ADGRL4: variants seen among roughly 807,000 people sequenced by gnomAD.
ADGRL4 encodes adhesion G protein-coupled receptor L4.
Under a neutral mutation model 74.8 loss-of-function variants are expected in ADGRL4, and 90 were observed. The ratio of observed to expected loss-of-function variants is 1.20; its 90% CI spans 1.02 to 1.43. The LOEUF is 1.43. Among genes scored for constraint, ADGRL4 ranks in the 40% most tolerant of loss-of-function variants. ADGRL4 has a pLI of 0.00. For synonymous variants in ADGRL4, 311 were observed against 279.2 expected (o/e 1.11, Z -1.14); for missense variants, 881 against 814.3 (o/e 1.08, Z -1.00).
Position 78,961,316 on chromosome 1 carries a change from T to C in ADGRL4, c.173-14890A>G, listed in dbSNP as rs182983487. Among the ~76,000 whole-genome samples, 213 of 152,250 alleles carry C rather than the reference T, an allele frequency of 1.4e-3. 1 individual carries two copies. The highest frequency in any genetic ancestry group is 4.3e-3 in the East Asian group (22 of 5,164). ...TGCCACCTCACCCAGCTAATTTTTG[T>C]ATCTTTAGTAGAGATGAGGTTTCAC... On this transcript the variant is annotated intron_variant, in intron 2 of 14. Coordinates refer to ENST00000370742, the MANE Select transcript of ADGRL4 (RefSeq NM_022159.4).
At chr1:78,987,982 A>T (rs1650532080) in intron 2 of ADGRL4, among the ~76,000 whole-genome samples, 1 of 131,702 alleles carries the variant, frequency 7.6e-6, no homozygotes, top group South Asian at 2.7e-4. Context: ...TTAAATTTTT[A>T]AAATAGCCAC....
chr1:78,994,998 T>C (rs1414795022), intron 2 of ADGRL4, among the ~76,000 whole-genome samples: 1 of 152,208 alleles, frequency 6.6e-6, no homozygotes, highest in African/African-American at 2.4e-5. Context: ...AGTTTCACTA[T>C]ATACCATTTT....
In ADGRL4 at chr1:78,889,866, C is replaced by A; in HGVS notation, c.*1288G>T. 2.2e-6 allele frequency: 1 copy of A among 455,612 alleles called. No individual in the cohort carries two copies. The highest frequency in any genetic ancestry group is 3.3e-4 in the Middle Eastern group (1 of 3,012). 28.2% of individuals were successfully genotyped at this position (455,612 alleles called of 1,614,324 possible). On this transcript the variant is annotated 3_prime_UTR_variant, in exon 15 of 15. Transcript: ENST00000370742. Reference sequence around the variant, plus strand: ...ATCACAAATTTAGTGTATTGGCACACTTTTACAGGTCGGCAAAGAAAAATT... The same window carrying A: ...ATCACAAATTTAGTGTATTGGCACAATTTTACAGGTCGGCAAAGAAAAATT...
At position 78,936,283 on chromosome 1, in the gene ADGRL4, T is replaced by C. The variant is rs1649350332; in HGVS notation, c.877+12A>G. 2.5e-6 allele frequency: 4 copies of C among 1,586,526 alleles called. No homozygotes were observed. Among genetic ancestry groups the C allele is most frequent in the Non-Finnish European group, 3.4e-6 (4 of 1,169,890 alleles). On this transcript the variant is annotated intron_variant, in intron 7 of 14. Transcript: ENST00000370742. ...CATTGATATATTGTCTGTTAGATTG[T>C]TAAAGTCCTACCATTTGAATCATAT...
At chr1:78,993,532 A>G (rs1401949785) in intron 2 of ADGRL4, among the ~76,000 whole-genome samples, 1 of 151,882 alleles carries the variant, frequency 6.6e-6, no homozygotes, top group Non-Finnish European at 1.5e-5. Flanking sequence ...TGTAATTAAA[A>G]AGAACTTAAA....
intron 12 of ADGRL4, among the ~76,000 whole-genome samples, chr1:78,910,884 A>G (rs1005744862): frequency 6.6e-6 from 1 of 151,832 alleles, no homozygotes; most frequent in African/African-American, 2.4e-5. Flanking sequence ...CAGAATTCTA[A>G]GAGATTTTTA....
rs146516101 is a variant in ADGRL4, at chr1:78,912,968, G to C, written c.1749+4666C>G. Among the ~76,000 whole-genome samples, 731 of 151,824 alleles carry C rather than the reference G, an allele frequency of 4.8e-3. 7 individuals carry two copies. The highest frequency in any genetic ancestry group is 5.1e-3 in the Non-Finnish European group (348 of 67,840). ...AAAAACAAACAACCCCATTACAATG[G>C]GGACAAGGGACATGAAGAGACACTG... On this transcript the variant is annotated intron_variant, in intron 12 of 14. Transcript: ENST00000370742.
Position 78,910,955 on chromosome 1 carries a change from T to A in ADGRL4, c.1749+6679A>T, listed in dbSNP as rs144006738. Among the ~76,000 whole-genome samples the A allele has an allele frequency of 1.7e-3, 258 of 151,978 alleles. 1 individual carries two copies. The highest frequency in any genetic ancestry group is 6.0e-3 in the African/African-American group (249 of 41,536). On this transcript the variant is annotated intron_variant, in intron 12 of 14. Transcript: ENST00000370742. ...GTAAGATCAATGCAGAACATGTTAC[T>A]GTTCAAATACCTAAGTAGTTAACAC...
chr1:78,978,736 G>C lies in ADGRL4; in HGVS notation c.172+26334C>G, dbSNP rs112797005. Among the ~76,000 whole-genome samples, 17 of 152,062 alleles carry C rather than the reference G, an allele frequency of 1.1e-4. 1 individual carries two copies. Among genetic ancestry groups the C allele is most frequent in the African/African-American group, 4.1e-4 (17 of 41,530 alleles). ...TCCTCACAAAAATTCCTGTGGGTTA[G>C]ATTTTATTAGTTCTCTTTCACCAGT... On this transcript the variant is annotated intron_variant, in intron 2 of 14. Transcript: ENST00000370742.
chr1:78,937,976 G>T lies in ADGRL4; in HGVS notation c.591C>A (p.Thr197=). The change falls in exon 6 of 15, where the codon ACC becomes ACA. Residue 197 remains threonine, a synonymous_variant. Coordinates refer to ENST00000370742, the MANE Select transcript of ADGRL4 (RefSeq NM_022159.4). Reference sequence around the variant, plus strand: ...TATCCCTTTGAACAAAATTATTCACGGTTTTTACAAATTCCTATTGAAAAA... The same window carrying T: ...TATCCCTTTGAACAAAATTATTCACTGTTTTTACAAATTCCTATTGAAAAA... The part of the protein sequence containing the change: ...SNSTLTEFVK[T]VNNFVQRDTF... 6 of 1,609,590 alleles carry T rather than the reference G, an allele frequency of 3.7e-6. No individual in the cohort carries two copies. Among genetic ancestry groups the T allele is most frequent in the South Asian group, 1.1e-5 (1 of 89,760 alleles).
chr1:78,939,473 T>C (rs563539339), intron 3 of ADGRL4, among the ~76,000 whole-genome samples: 5 of 152,078 alleles, frequency 3.3e-5, no homozygotes, highest in Non-Finnish European at 7.4e-5. Flanking sequence ...CCATAAAATA[T>C]TATCTACAAT....
chr1:78,920,236 G>A lies in ADGRL4; in HGVS notation c.1408C>T (p.Leu470=). 2.5e-6 allele frequency: 4 copies of A among 1,611,940 alleles called. No individual in the cohort carries two copies. The highest frequency in any genetic ancestry group is 2.2e-5 in the South Asian group (2 of 91,038). The change falls in exon 10 of 15, where the codon CTA becomes TTA. Residue 470 remains leucine (L), a synonymous_variant. Coordinates refer to ENST00000370742, the MANE Select transcript of ADGRL4 (RefSeq NM_022159.4). ...AGAAAAACAAGTTCAGCAAGAAATA[G>A]GCTACAGCAAAGATTTTTGTGAATT... ...TTIHKNLCCS[L]FLAELVFLVG...
At chr1:78,951,868 A>G (rs188008098) in intron 2 of ADGRL4, among the ~76,000 whole-genome samples, 1 of 152,296 alleles carries the variant, frequency 6.6e-6, no homozygotes, top group Non-Finnish European at 1.5e-5. Context: ...AATAAGACAT[A>G]AAGAGCGAGC....
At chr1:78,954,407 T>C (rs1397292781) in intron 2 of ADGRL4, among the ~76,000 whole-genome samples, 2 of 151,810 alleles carry the variant, frequency 1.3e-5, no homozygotes, top group Non-Finnish European at 2.9e-5. Context: ...AAATCTAACA[T>C]AAGAGAAAAA....
intron 12 of ADGRL4, among the ~76,000 whole-genome samples, chr1:78,912,818 C>T (rs781146437): frequency 6.6e-6 from 1 of 151,770 alleles, no homozygotes; most frequent in African/African-American, 2.4e-5. Flanking sequence ...AAAGCTTCTG[C>T]ACAGCAAAAC....
intron 9 of ADGRL4, among the ~76,000 whole-genome samples, chr1:78,920,780 T>A (rs1648980915): frequency 6.6e-6 from 1 of 151,902 alleles, no homozygotes; most frequent in Non-Finnish European, 1.5e-5. Flanking sequence ...ATGCAGTGAT[T>A]CATCTAAAAC....
In ADGRL4 at chr1:78,890,350, A is replaced by G. The variant is rs1163488761; in HGVS notation, c.*804T>C. On this transcript the variant is annotated 3_prime_UTR_variant, in exon 15 of 15. Coordinates refer to ENST00000370742, the MANE Select transcript of ADGRL4 (RefSeq NM_022159.4). The stretch of plus-strand genomic sequence containing the variant: ...TTTTACATTGATAGGTATAAACAAT[A>G]TTATATCTTGACACATTTATATTTT... 1.3e-5 allele frequency: 2 copies of G among 152,112 alleles called. No homozygotes were observed. The highest frequency in any genetic ancestry group is 2.9e-5 in the Non-Finnish European group (2 of 68,006). The allele number at this position is 152,112 out of a possible 1,614,324, so 9.4% of individuals were successfully genotyped here.
intron 12 of ADGRL4, among the ~76,000 whole-genome samples, chr1:78,909,462 C>A (rs1043039829): frequency 6.6e-6 from 1 of 151,818 alleles, no homozygotes; most frequent in African/African-American, 2.4e-5. Context: ...GTGCTACTGG[C>A]ATCTAGTGAG....
At chr1:78,990,845 C>T (rs1165514567) in intron 2 of ADGRL4, among the ~76,000 whole-genome samples, 1 of 151,876 alleles carries the variant, frequency 6.6e-6, no homozygotes, top group Non-Finnish European at 1.5e-5. Context: ...TTATAAAGGT[C>T]CAGAAATAAT....
Sources: allele counts gnomAD v4.1 joint callset (sites outside exome capture counted in the v4.1 genomes callset), GRCh38; gene constraint gnomAD v4.1.1; transcripts MANE v1.5; gene names NCBI Gene and HGNC (gene_info 2026-07-23, HGNC 2026-07-21).